Variants in NBAS observed in about 807,000 individuals in gnomAD.
NBAS encodes the protein NBAS subunit of NRZ tethering complex.
In NBAS, 219 loss-of-function variants were observed where a neutral mutation model predicts 302.5. The ratio of observed to expected loss-of-function variants is 0.72; its 90% CI spans 0.65 to 0.81. The LOEUF (loss-of-function observed/expected upper bound fraction) is 0.81. Among genes scored for constraint, NBAS ranks in the 30% least tolerant of loss-of-function variants. NBAS has a pLI of 0.00. For synonymous variants in NBAS, 1,118 were observed against 1,021.6 expected, an observed-to-expected ratio of 1.09 and a Z score of -1.80; for missense variants, 2,932 against 2,841.6, an observed-to-expected ratio of 1.03 and a Z score of -0.72.
intron 48 of NBAS, among the ~76,000 whole-genome samples, chr2:15,201,081 A>G (rs970952805): frequency 2.6e-5 from 4 of 152,228 alleles, no homozygotes; most frequent in Admixed American, 1.3e-4. Context: ...TTTTACTACT[A>G]TTTTATTGCT....
At chr2:15,179,283 T>C in intron 50 of NBAS, 167 bp from the exon 51 acceptor site, 1 of 912,670 alleles carries the variant, frequency 1.1e-6, no homozygotes, top group Non-Finnish European at 1.7e-6. Flanking sequence ...TGGTACCTGC[T>C]TCACTTGGTT....
At chr2:14,875,615 CAA>C in the NBAS span, among the ~76,000 whole-genome samples, 3 of 150,216 alleles carry the variant, frequency 2.0e-5, no homozygotes, top group Admixed American at 6.6e-5. Context: ...GACTCTGTCT[CAA>C]AAAAATAAAA....
the NBAS span, among the ~76,000 whole-genome samples, chr2:15,102,069 C>T: frequency 2.7e-4 from 41 of 152,320 alleles, no homozygotes; most frequent in African/African-American, 9.6e-4. Context: ...TCCACTTTCC[C>T]TCAGCCTCTG....
At chr2:14,863,515 T>C in the NBAS span, among the ~76,000 whole-genome samples, 1 of 152,114 alleles carries the variant, frequency 6.6e-6, no homozygotes, top group African/African-American at 2.4e-5. Flanking sequence ...CAGGAACAAG[T>C]CATAATGGTA....
At chr2:14,943,312 C>G in the NBAS span, among the ~76,000 whole-genome samples, 5 of 152,308 alleles carry the variant, frequency 3.3e-5, no homozygotes, top group Non-Finnish European at 7.3e-5. Flanking sequence ...ACTAAAAGAG[C>G]CACTAATAAT....
chr2:15,273,663 A>G (rs1669433567), intron 44 of NBAS, among the ~76,000 whole-genome samples: 1 of 152,212 alleles, frequency 6.6e-6, no homozygotes, highest in Non-Finnish European at 1.5e-5. Context: ...GCAGAAGTCT[A>G]AGAGAGATAC....
the NBAS span, among the ~76,000 whole-genome samples, chr2:14,940,437 T>C: frequency 1.5e-4 from 23 of 152,326 alleles, no homozygotes; most frequent in Admixed American, 6.5e-4. Flanking sequence ...CAGATCAACA[T>C]CGTACTTCCT....
the NBAS span, among the ~76,000 whole-genome samples, chr2:14,931,155 C>G: frequency 1.3e-5 from 2 of 152,144 alleles, no homozygotes; most frequent in Non-Finnish European, 2.9e-5. Flanking sequence ...TGATAAACCC[C>G]AGGAAACAAG....
the NBAS span, among the ~76,000 whole-genome samples, chr2:14,845,988 A>T: frequency 1.3e-5 from 2 of 152,200 alleles, no homozygotes; most frequent in Admixed American, 1.3e-4. Context: ...TAGAAAGTTT[A>T]TTCAAAGCGA....
intron 48 of NBAS, among the ~76,000 whole-genome samples, chr2:15,213,271 A>G (rs1666501934): frequency 6.6e-6 from 1 of 152,256 alleles, no homozygotes; most frequent in Non-Finnish European, 1.5e-5. Flanking sequence ...ATATGCTTGA[A>G]GAATATTTGG....
chr2:15,312,730 T>C (rs992402766), intron 38 of NBAS, among the ~76,000 whole-genome samples: 18 of 152,332 alleles, frequency 1.2e-4, no homozygotes, highest in African/African-American at 4.3e-4. Context: ...ATAACTTTCA[T>C]ATTTCTAAAA....
At chr2:15,186,204 T>C (rs547361085) in intron 50 of NBAS, among the ~76,000 whole-genome samples, 20 of 151,230 alleles carry the variant, frequency 1.3e-4, no homozygotes, top group Admixed American at 1.1e-3. Flanking sequence ...AATATATATG[T>C]ATATAATAAA....
the NBAS span, among the ~76,000 whole-genome samples, chr2:15,078,158 A>T: frequency 6.6e-6 from 1 of 152,184 alleles, no homozygotes; most frequent in African/African-American, 2.4e-5. Context: ...GGGTGTCAGT[A>T]GATAATTTGT....
chr2:15,205,067 T>C (rs1666076743), intron 48 of NBAS, among the ~76,000 whole-genome samples: 2 of 151,880 alleles, frequency 1.3e-5, no homozygotes, highest in African/African-American at 4.8e-5. Flanking sequence ...GAATAAGATA[T>C]AAATAGAATA....
At chr2:15,158,090 C>CT in the NBAS span, among the ~76,000 whole-genome samples, 1 of 152,198 alleles carries the variant, frequency 6.6e-6, no homozygotes, top group Non-Finnish European at 1.5e-5. Context: ...ATCCCGTGCA[C>CT]TGATTCCAAT....
At chr2:14,906,017 A>G in the NBAS span, among the ~76,000 whole-genome samples, 2 of 152,214 alleles carry the variant, frequency 1.3e-5, no homozygotes, top group African/African-American at 4.8e-5. Context: ...AGGGCAAGGA[A>G]TATTCCTAAC....
intron 11 of NBAS, among the ~76,000 whole-genome samples, chr2:15,500,464 G>A (rs1661460808): frequency 6.7e-6 from 1 of 148,400 alleles, no homozygotes; most frequent in South Asian, 2.1e-4. Context: ...CCCTCAAGAA[G>A]TTTACTAGAT....
chr2:14,979,677 T>A, the NBAS span, among the ~76,000 whole-genome samples: 2 of 152,092 alleles, frequency 1.3e-5, no homozygotes, highest in Admixed American at 1.3e-4. Context: ...CTATTCAAAG[T>A]CAGACTCTTC....
chr2:14,858,586 CACTT>C, the NBAS span, among the ~76,000 whole-genome samples: 1 of 151,952 alleles, frequency 6.6e-6, no homozygotes, highest in African/African-American at 2.4e-5. Flanking sequence ...CGCATCAACT[CACTT>C]ATTTATGAGA....
Sources: gnomAD v4.1 joint callset for allele counts (sites outside exome capture counted in the v4.1 genomes callset) on GRCh38, gnomAD v4.1.1 for gene constraint, MANE v1.5 for transcripts, NCBI Gene and HGNC (gene_info 2026-07-23, HGNC 2026-07-21) for gene names.